The following NCOR1 variants were observed in gnomAD, a reference collection of about 807,000 sequenced individuals.
NCOR1 encodes the protein protein phosphatase 1, regulatory subunit 109.
Under a neutral mutation model 288.1 loss-of-function variants are expected in NCOR1, and 63 were observed. The observed-to-expected ratio is 0.22, with a 90% CI of 0.18 to 0.27. NCOR1 has a LOEUF of 0.27. Among genes scored for constraint, NCOR1 ranks in the 10% least tolerant of loss-of-function variants. The pLI is 1.00. For synonymous variants in NCOR1, 1,007 were observed against 1,065.9 expected, an observed-to-expected ratio of 0.94 and a Z score of 1.08; for missense variants, 2,397 against 3,019.2, an observed-to-expected ratio of 0.79 and a Z score of 4.83.
chr17:16,159,413 C>CAAAA (rs35243097), intron 5 of NCOR1, among the ~76,000 whole-genome samples: 838 of 66,294 alleles, frequency 0.013, 6 homozygotes, highest in Admixed American at 0.018. Context: ...AACTCTATCT[C>CAAAA]AAAAAAAAAA....
intron 40 of NCOR1, among the ~76,000 whole-genome samples, chr17:16,051,536 A>G (rs1243062753): frequency 1.3e-5 from 2 of 152,226 alleles, no homozygotes; most frequent in Non-Finnish European, 2.9e-5. Context: ...ATCCACATCA[A>G]AAAGTTAGAA....
At chr17:16,192,765 T>C (rs542229182) in intron 2 of NCOR1, among the ~76,000 whole-genome samples, 1 of 152,300 alleles carries the variant, frequency 6.6e-6, no homozygotes, top group East Asian at 1.9e-4. Context: ...ACAACAAACA[T>C]ATAGATATAT....
At chr17:16,114,927 G>A (rs1040050709) in intron 18 of NCOR1, among the ~76,000 whole-genome samples, 54 of 152,236 alleles carry the variant, frequency 3.5e-4, no homozygotes, top group African/African-American at 1.3e-3. Flanking sequence ...TGCACTAGTA[G>A]GGAGTCTGAC....
chr17:16,046,840 C>CAGAT, intron 42 of NCOR1, 111 bp downstream of exon 42: 1 of 1,264,192 alleles, frequency 7.9e-7, no homozygotes, highest in South Asian at 1.5e-5. Flanking sequence ...ATGTGTTGGA[C>CAGAT]AGATGTCCTG....
chr17:16,176,850 T>A (rs904751146), intron 3 of NCOR1, among the ~76,000 whole-genome samples: 1 of 152,030 alleles, frequency 6.6e-6, no homozygotes, highest in African/African-American at 2.4e-5. Flanking sequence ...TCTGTCTTGG[T>A]ATGGATCATT....
intron 42 of NCOR1, chr17:16,040,709 G>T: frequency 3.5e-6 from 2 of 578,302 alleles, no homozygotes; most frequent in Non-Finnish European, 6.3e-6. Flanking sequence ...AGGGAAATCA[G>T]GAAATAGGTA....
chr17:16,101,133 A>G (rs2067556826), intron 20 of NCOR1, 117 bp downstream of exon 20: 5 of 994,734 alleles, frequency 5.0e-6, no homozygotes, highest in Non-Finnish European at 5.9e-6. Context: ...AATTGTACAG[A>G]CTACCTATAA....
In NCOR1 at chr17:16,065,696, T is replaced by C; in HGVS notation, c.4742-2A>G. ...TCTGAAACAGGTAAGCAGCCGCTGC[T>C]GATTGAGAGAATGAAAGAAAGGCAC... On this transcript the variant is annotated splice_acceptor_variant, in intron 32 of 45. Transcript: ENST00000268712. LOFTEE classifies it high-confidence loss of function. 2 of 1,614,066 alleles carry C rather than the reference T, an allele frequency of 1.2e-6. No individual in the cohort carries two copies. The highest frequency in any genetic ancestry group is 1.7e-6 in the Non-Finnish European group (2 of 1,179,918).
At chr17:16,162,575 C>T (rs1232879654) in intron 5 of NCOR1, among the ~76,000 whole-genome samples, 4 of 151,568 alleles carry the variant, frequency 2.6e-5, no homozygotes, top group Non-Finnish European at 4.4e-5. Flanking sequence ...TGAAAGAATA[C>T]GGATTTAGAC....
intron 14 of NCOR1, among the ~76,000 whole-genome samples, chr17:16,128,317 C>T (rs1308027073): frequency 6.6e-6 from 1 of 152,194 alleles, no homozygotes; most frequent in Admixed American, 6.5e-5. Context: ...AATGCTACAT[C>T]TCCTGTGAAG....
chr17:16,116,067 A>G (rs1217270086), intron 18 of NCOR1, among the ~76,000 whole-genome samples: 1 of 152,196 alleles, frequency 6.6e-6, no homozygotes, highest in Non-Finnish European at 1.5e-5. Context: ...TCTTGCATGG[A>G]TGGGGCAGGC....
Position 16,056,308 on chromosome 17 carries a change from C to CTTTTTT in NCOR1, c.6392+1200_6392+1205dup, listed in dbSNP as rs71299858. Among the ~76,000 whole-genome samples the CTTTTTT allele has an allele frequency of 1.6e-3, 154 of 95,998 alleles. 4 individuals are homozygous for CTTTTTT. The highest frequency in any genetic ancestry group is 3.0e-3 in the African/African-American group (75 of 24,836). 63.0% of individuals were successfully genotyped at this position (95,998 alleles called of 152,430 possible). A position where few individuals can be genotyped will look rare whatever the true frequency, so the allele number is the denominator to read the frequency against. On this transcript the variant is annotated intron_variant, in intron 40 of 45. Transcript: ENST00000268712. ...GTCTTGTTCTCAGCATTCTTTTTAT[C>CTTTTTT]TTTTTTTTTTTTTTTTTTTTTTGAG...
At chr17:16,170,538 A>C (rs1044734199) in intron 4 of NCOR1, among the ~76,000 whole-genome samples, 2 of 152,160 alleles carry the variant, frequency 1.3e-5, no homozygotes, top group Non-Finnish European at 2.9e-5. Context: ...AGCAGAGTTG[A>C]AAAAGGTAAA....
intron 22 of NCOR1, chr17:16,091,603 T>C (rs1049089371): frequency 7.6e-7 from 1 of 1,310,680 alleles, no homozygotes; most frequent in Non-Finnish European, 9.8e-7. Context: ...TTATTTATAA[T>C]GTCTTCCAGC....
chr17:16,172,119 C>G, intron 3 of NCOR1, 124 bp from the exon 4 acceptor site: 1 of 719,190 alleles, frequency 1.4e-6, no homozygotes, highest in East Asian at 2.9e-5. Context: ...AAAGTGAATC[C>G]GTACCCCTTC....
At chr17:16,109,108 C>T (rs568803204) in intron 18 of NCOR1, among the ~76,000 whole-genome samples, 196 bp from the exon 19 acceptor site, 3 of 151,882 alleles carry the variant, frequency 2.0e-5, no homozygotes, top group South Asian at 2.1e-4. Flanking sequence ...GTAGATGGCT[C>T]GCCTTTATCA....
Position 16,101,315 on chromosome 17 carries a change from T to C in NCOR1, c.2625A>G (p.Ser875=). The change falls in exon 20 of 46, where the codon TCA becomes TCG. Residue 875 remains serine, a synonymous_variant. Coordinates refer to ENST00000268712, the MANE Select transcript of NCOR1 (RefSeq NM_006311.4). The stretch of plus-strand genomic sequence containing the variant: ...TGCACGTGGCACTGGAATCATTGTC[T>C]GACTGGGGCTCGGGCCTTTGGGCAT... ...QINAQRPEPQ[S]DNDSSATCSA... The C allele has an allele frequency of 6.2e-7, 1 of 1,613,918 alleles. No individual in the cohort carries two copies. Among genetic ancestry groups the C allele is most frequent in the Non-Finnish European group, 8.5e-7 (1 of 1,179,880 alleles).
intron 21 of NCOR1, 37 bp from the exon 22 acceptor site, chr17:16,092,095 C>T: frequency 6.2e-7 from 1 of 1,601,376 alleles, no homozygotes. Flanking sequence ...TGCAAACAAC[C>T]AATGTAATAA....
intron 3 of NCOR1, among the ~76,000 whole-genome samples, chr17:16,178,891 G>A (rs1440250535): frequency 6.6e-6 from 1 of 152,132 alleles, no homozygotes; most frequent in African/African-American, 2.4e-5. Context: ...GATCACCTGA[G>A]GTCAGGAGTT....
Sources: gnomAD v4.1 joint callset for allele counts (sites outside exome capture counted in the v4.1 genomes callset) on GRCh38, gnomAD v4.1.1 for gene constraint, MANE v1.5 for transcripts, NCBI Gene and HGNC (gene_info 2026-07-23, HGNC 2026-07-21) for gene names.